SNX32: variants seen among roughly 807,000 people sequenced by gnomAD.
SNX32 encodes the protein sorting nexin 32.
SNX32 carries 58 observed loss-of-function variants against 57.0 expected under a neutral mutation model. That is an observed-to-expected ratio of 1.02 (90% confidence interval 0.82 to 1.27). SNX32 has a LOEUF of 1.27. SNX32 is among the 50% of genes most tolerant of loss of function. The pLI, the probability that SNX32 is intolerant of heterozygous loss-of-function variation, is 0.00. For synonymous variants in SNX32, 262 were observed against 220.4 expected (o/e 1.19, Z -1.67); for missense variants, 589 against 541.2 (o/e 1.09, Z -0.88).
intron 1 of SNX32, among the ~76,000 whole-genome samples, chr11:65,843,498 C>T (rs183401384): frequency 0.01 from 1,576 of 150,866 alleles, 14 homozygotes; most frequent in Middle Eastern, 0.021. Flanking sequence ...ACCTGGGAGG[C>T]GGAGGTTGCA....
chr11:65,851,099 G>A lies in SNX32; in HGVS notation c.648G>A (p.Glu216=), dbSNP rs771440156. ...AGCATGAGAGGACCTTCCTGTTGGA[G>A]TATCACACCCGTATCCGAGATGCCT... is the stretch of plus-strand genomic sequence containing the variant. ...FFEHERTFLL[E]YHTRIRDACL... The change falls in exon 7 of 13, where the codon GAG becomes GAA. Residue 216 remains glutamate, a synonymous_variant. Transcript: ENST00000308342. 9 of 1,613,960 alleles carry A rather than the reference G, an allele frequency of 5.6e-6. No homozygotes were observed. Among genetic ancestry groups the A allele is most frequent in the Non-Finnish European group, 7.6e-6 (9 of 1,180,004 alleles).
intron 1 of SNX32, among the ~76,000 whole-genome samples, chr11:65,839,215 A>ATTTTTTTGTTTTTTTTT (rs1858753157): frequency 1.5e-4 from 3 of 19,534 alleles, no homozygotes; most frequent in Non-Finnish European, 2.4e-4. Context: ...CGCCCAGCTA[A>ATTTTTTTGTTTTTTTTT]TTTTTTTGTA....
In SNX32 at chr11:65,851,408, G is replaced by C; in HGVS notation, c.785+5G>C. 1 of 1,614,042 alleles carries C rather than the reference G, an allele frequency of 6.2e-7. No individual in the cohort carries two copies. Among genetic ancestry groups the C allele is most frequent in the Non-Finnish European group, 8.5e-7 (1 of 1,179,942 alleles). On this transcript the variant is annotated splice_donor_5th_base_variant and intron_variant, in intron 8 of 12. Coordinates refer to ENST00000308342, the MANE Select transcript of SNX32 (RefSeq NM_152760.3). ...GGAAGTCAACCAGCTAAGGACGTGA[G>C]GACTCCCCCCACCCCTACCCTCTCC... is the stretch of plus-strand genomic sequence containing the variant.
chr11:65,851,821 C>G lies in SNX32; in HGVS notation c.825+142C>G, dbSNP rs573417254. 107 of 889,822 alleles carry G rather than the reference C, an allele frequency of 1.2e-4. No individual in the cohort carries two copies. In the South Asian group the frequency reaches 1.5e-3, roughly 12 times the overall value. The allele number at this position is 889,822 out of a possible 1,614,324, so 55.1% of individuals were successfully genotyped here. ...TGGCAAGTTGGGCTTACACTCCAGACTAGTTTAACAAAAGGTGGGGTGAAG... is the reference window on the plus strand; with the variant it reads ...TGGCAAGTTGGGCTTACACTCCAGAGTAGTTTAACAAAAGGTGGGGTGAAG... On this transcript the variant is annotated intron_variant, in intron 9 of 12. Coordinates refer to ENST00000308342, the MANE Select transcript of SNX32 (RefSeq NM_152760.3).
intron 1 of SNX32, among the ~76,000 whole-genome samples, chr11:65,835,036 T>C (rs1238350043): frequency 6.6e-6 from 1 of 151,184 alleles, no homozygotes; most frequent in African/African-American, 2.4e-5. Flanking sequence ...TGTGTGTCTG[T>C]GTATCTGTGT....
rs1273010775 is a variant in SNX32 at position 65,834,039 on chromosome 11, G to C, written c.-27G>C. ...CGACCTGCGGGAGCACGCGGGCAGT[G>C]GCCGGACGCTGAAGCCCAGGAGAGC... On this transcript the variant is annotated 5_prime_UTR_variant, in exon 1 of 13. Transcript: ENST00000308342. 2 of 1,549,634 alleles carry C rather than the reference G, an allele frequency of 1.3e-6. No individual in the cohort carries two copies. Among genetic ancestry groups the C allele is most frequent in the Non-Finnish European group, 1.7e-6 (2 of 1,145,978 alleles).
Position 65,853,477 on chromosome 11 carries a change from G to GC in SNX32, c.*145dup, listed in dbSNP as rs1859295531. Reference sequence around the variant, plus strand: ...TCTGCCCCACATCCTCTCAGGGAAAGCCCAAACCCCCTATCACCACCACCA... The same window carrying GC: ...TCTGCCCCACATCCTCTCAGGGAAAGCCCCAAACCCCCTATCACCACCACCA... On this transcript the variant is annotated 3_prime_UTR_variant, in exon 13 of 13. Coordinates refer to ENST00000308342, the MANE Select transcript of SNX32 (RefSeq NM_152760.3). The GC allele has an allele frequency of 3.6e-6, 3 of 832,682 alleles. No individual in the cohort carries two copies. The highest frequency in any genetic ancestry group is 5.8e-6 in the Non-Finnish European group (3 of 513,412). The allele number at this position is 832,682 out of a possible 1,614,324, so 51.6% of individuals were successfully genotyped here. A position where few individuals can be genotyped will look rare whatever the true frequency, so the allele number is the denominator to read the frequency against.
intron 2 of SNX32, 39 bp from the exon 3 acceptor site, chr11:65,849,881 G>A: frequency 6.6e-7 from 1 of 1,504,760 alleles, no homozygotes; most frequent in Non-Finnish European, 9.0e-7. Flanking sequence ...GCAGGGCTTG[G>A]GGCAGAGAGA....
chr11:65,847,877 T>C (rs1399966356), intron 1 of SNX32, among the ~76,000 whole-genome samples: 1 of 149,436 alleles, frequency 6.7e-6, no homozygotes, highest in Non-Finnish European at 1.5e-5. Flanking sequence ...TTCACTGCAC[T>C]CCAACCTGGG....
At chr11:65,839,224 T>TTTTTTTG (rs1565245957) in intron 1 of SNX32, among the ~76,000 whole-genome samples, 2 of 15,142 alleles carry the variant, frequency 1.3e-4, no homozygotes, top group Non-Finnish European at 3.7e-4. Flanking sequence ...AATTTTTTTG[T>TTTTTTTG]ATTTTTTTTT....
intron 1 of SNX32, among the ~76,000 whole-genome samples, chr11:65,843,566 CAAAAGAAAAAGA>C (rs767755700): frequency 1.7e-4 from 26 of 152,026 alleles, no homozygotes; most frequent in Admixed American, 1.0e-3. Flanking sequence ...GACTCTGTCT[CAAAAGAAAAAGA>C]AAAAGAAAAA....
At chr11:65,840,226 A>T (rs1464415867) in intron 1 of SNX32, among the ~76,000 whole-genome samples, 2 of 152,202 alleles carry the variant, frequency 1.3e-5, no homozygotes, top group African/African-American at 4.8e-5. Context: ...AAGGAAAAAG[A>T]TTGATAAAAA....
chr11:65,851,612 C>A (rs549480274), intron 8 of SNX32, 28 bp from the exon 9 acceptor site: 1 of 1,613,728 alleles, frequency 6.2e-7, no homozygotes, highest in Non-Finnish European at 8.5e-7. Context: ...CAGCCCCCTA[C>A]CCTAACTCCC....
At position 65,853,229 on chromosome 11, in the gene SNX32, G is replaced by A. The variant is rs1292609868; in HGVS notation, c.1159-53G>A. 3.1e-6 allele frequency: 5 copies of A among 1,612,718 alleles called. No individual in the cohort carries two copies. In the African/African-American group the frequency reaches 5.3e-5, roughly 17 times the overall value. ...GGAGCATCTAAGGTGCAGAAAGAATGGCAGCCTGACTCAGGGAGCAGGGGA... is the reference window on the plus strand; with the variant it reads ...GGAGCATCTAAGGTGCAGAAAGAATAGCAGCCTGACTCAGGGAGCAGGGGA... On this transcript the variant is annotated intron_variant, in intron 12 of 12. Transcript: ENST00000308342.
At chr11:65,840,974 T>C (rs892314571) in intron 1 of SNX32, among the ~76,000 whole-genome samples, 1 of 152,040 alleles carries the variant, frequency 6.6e-6, no homozygotes, top group African/African-American at 2.4e-5. Context: ...AGATGGAGTT[T>C]CACTCTTGTC....
At chr11:65,847,426 T>C (rs1859033272) in intron 1 of SNX32, among the ~76,000 whole-genome samples, 1 of 152,066 alleles carries the variant, frequency 6.6e-6, no homozygotes, top group Non-Finnish European at 1.5e-5. Flanking sequence ...CGGTGAGCTG[T>C]GATGGCGCCA....
chr11:65,851,384 G>T lies in SNX32; in HGVS notation c.766G>T (p.Glu256Ter), dbSNP rs151221398. ...TGCGCTGAGCAGTCTGGGAACACAG[G>T]AAGTCAACCAGCTAAGGACGTGAGG... The part of the protein sequence containing the change: ...SAALSSLGTQ[E>*]VNQLRTSFLK... Residue 256 changes from glutamate (E) to a stop codon, truncating the protein, a stop_gained, in exon 8 of 13, where the codon GAA becomes TAA. Transcript: ENST00000308342. LOFTEE classifies it high-confidence loss of function. 1 of 1,614,032 alleles carries T rather than the reference G, an allele frequency of 6.2e-7. No homozygotes were observed. The highest frequency in any genetic ancestry group is 8.5e-7 in the Non-Finnish European group (1 of 1,180,016).
chr11:65,840,119 C>T (rs777839956), intron 1 of SNX32, among the ~76,000 whole-genome samples: 1 of 152,072 alleles, frequency 6.6e-6, no homozygotes, highest in African/African-American at 2.4e-5. Flanking sequence ...CGCGCCAGTG[C>T]ACTCCAGCCT....
chr11:65,839,223 G>GTTTGTTTTTTT (rs755185237), intron 1 of SNX32, among the ~76,000 whole-genome samples: 1 of 23,078 alleles, frequency 4.3e-5, no homozygotes, highest in Non-Finnish European at 7.1e-5. Context: ...TAATTTTTTT[G>GTTTGTTTTTTT]TATTTTTTTT....
Sources: gnomAD v4.1 joint callset for allele counts (sites outside exome capture counted in the v4.1 genomes callset) on GRCh38, gnomAD v4.1.1 for gene constraint, MANE v1.5 for transcripts, NCBI Gene and HGNC (gene_info 2026-07-23, HGNC 2026-07-21) for gene names.